NUP160: variants seen among roughly 807,000 people sequenced by gnomAD.
NUP160 encodes the protein nucleoporin 160.
In NUP160, 94 loss-of-function variants were observed where a neutral mutation model predicts 196.9. That is an observed-to-expected ratio of 0.48 (90% CI 0.40 to 0.57). The LOEUF (loss-of-function observed/expected upper bound fraction) is 0.57. Among genes scored for constraint, NUP160 ranks in the 20% least tolerant of loss-of-function variants. The pLI is 0.00. For synonymous variants in NUP160, 605 were observed against 619.7 expected, an observed-to-expected ratio of 0.98 and a Z score of 0.35; for missense variants, 1,638 against 1,748.3, an observed-to-expected ratio of 0.94 and a Z score of 1.13.
At position 47,813,298 on chromosome 11, in the gene NUP160, C is replaced by T. The variant is rs759737794; in HGVS notation, c.1786+18G>A. On this transcript the variant is annotated intron_variant, in intron 14 of 35. Coordinates refer to ENST00000378460, the Ensembl canonical transcript of NUP160. Reference sequence around the variant, plus strand: ...ATATAGGAAGGGGATTAAATATGGACATAACAATTACTATTACCATCAGAT... The same window carrying T: ...ATATAGGAAGGGGATTAAATATGGATATAACAATTACTATTACCATCAGAT... 2.9e-5 allele frequency: 44 copies of T among 1,493,812 alleles called. No individual in the cohort carries two copies. The South Asian group carries it at 5.0e-4, about 17-fold the overall frequency. The allele number at this position is 1,493,812 out of a possible 1,614,324, so 92.5% of individuals were successfully genotyped here.
chr11:47,805,092 C>T (rs922974962), intron 20 of NUP160, among the ~76,000 whole-genome samples: 15 of 152,036 alleles, frequency 9.9e-5, no homozygotes, highest in African/African-American at 3.6e-4. Flanking sequence ...AACATGGTAC[C>T]TGGCATATAG....
chr11:47,826,618 T>C (rs1013388853), intron 7 of NUP160, among the ~76,000 whole-genome samples: 2 of 147,306 alleles, frequency 1.4e-5, no homozygotes, highest in Non-Finnish European at 3.0e-5. Context: ...GCTGGAGTGC[T>C]ATGGCACAAT....
intron 7 of NUP160, 82 bp downstream of exon 7, chr11:47,835,569 G>C: frequency 8.4e-7 from 1 of 1,184,066 alleles, no homozygotes; most frequent in Non-Finnish European, 1.2e-6. Flanking sequence ...AAAAGAGCTT[G>C]AACAGACTCA....
chr11:47,796,260 T>C, intron 27 of NUP160: 1 of 639,222 alleles, frequency 1.6e-6, no homozygotes. Context: ...CACAGTAGGA[T>C]CAATCAGAAA....
intron 23 of NUP160, among the ~76,000 whole-genome samples, chr11:47,800,320 G>A (rs1437264561): frequency 6.6e-6 from 1 of 151,502 alleles, no homozygotes; most frequent in African/African-American, 2.4e-5. Flanking sequence ...TTTTGAGACA[G>A]GGTCTCATTC....
intron 2 of NUP160, among the ~76,000 whole-genome samples, chr11:47,844,004 C>T (rs1852354262): frequency 6.6e-6 from 1 of 152,202 alleles, no homozygotes; most frequent in South Asian, 2.1e-4. Flanking sequence ...ATACGTTTTT[C>T]CATCGCAATT....
chr11:47,848,309 C>T, exon 1 of NUP160: 1 of 1,614,030 alleles, frequency 6.2e-7, no homozygotes, highest in Non-Finnish European at 8.5e-7. Flanking sequence ...AGGGCTCCCG[C>T]CGCCGCCATC....
chr11:47,805,904 T>A (rs564676386), intron 20 of NUP160, among the ~76,000 whole-genome samples: 2 of 151,980 alleles, frequency 1.3e-5, no homozygotes, highest in East Asian at 3.9e-4. Flanking sequence ...CACTGCAACC[T>A]CCACCTCCCA....
chr11:47,784,962 T>C (rs1466148735), exon 33 of NUP160: 1 of 1,604,376 alleles, frequency 6.2e-7, no homozygotes, highest in Middle Eastern at 1.7e-4. Flanking sequence ...AGGCACTCCA[T>C]GAGACAAGAG....
intron 34 of NUP160, among the ~76,000 whole-genome samples, chr11:47,782,315 T>A (rs1448724120): frequency 0.13 from 1,067 of 8,348 alleles, 169 homozygotes; most frequent in African/African-American, 0.41. Context: ...TATATATATA[T>A]ATATATATAT....
rs368728465 is a variant in NUP160 at position 47,801,498 on chromosome 11, C to T, written c.2895+313G>A. 1.6e-4 allele frequency among the ~76,000 whole-genome samples: 25 copies of T among 152,102 alleles called. No individual in the cohort carries two copies. In the South Asian group the frequency reaches 3.1e-3, roughly 19 times the overall value. ...CCAAGTAGGTGGGATTACAGGCACC[C>T]GCCACCACGCCAGGCTAATTTTTGT... On this transcript the variant is annotated intron_variant, in intron 23 of 35. Coordinates refer to ENST00000378460, the Ensembl canonical transcript of NUP160.
intron 7 of NUP160, among the ~76,000 whole-genome samples, chr11:47,825,527 A>T (rs1055404066): frequency 4.1e-5 from 6 of 146,626 alleles, no homozygotes; most frequent in African/African-American, 1.5e-4. Flanking sequence ...ATCTCGGCTC[A>T]CTGCAACCTC....
intron 23 of NUP160, among the ~76,000 whole-genome samples, chr11:47,799,749 T>C (rs897058855): frequency 6.6e-6 from 1 of 151,700 alleles, no homozygotes. Context: ...TCTTCCTATG[T>C]TGTCTGGGCT....
rs576723822 is a variant in NUP160 at position 47,843,155 on chromosome 11, C to A, written c.315-2567G>T. ...TTATATTTTCTCTGTTCCTCCCTTGCTCTCTGGTTACCATGTGATTTCTCT... is the reference window on the plus strand; with the variant it reads ...TTATATTTTCTCTGTTCCTCCCTTGATCTCTGGTTACCATGTGATTTCTCT... On this transcript the variant is annotated intron_variant, in intron 2 of 35. Coordinates refer to ENST00000378460, the Ensembl canonical transcript of NUP160. 3.0e-4 allele frequency among the ~76,000 whole-genome samples: 46 copies of A among 152,222 alleles called. 1 individual carries two copies. In the South Asian group the frequency reaches 9.1e-3, roughly 30 times the overall value.
chr11:47,818,040 A>T lies in NUP160; in HGVS notation c.1431+16T>A, dbSNP rs756369121. 1.9e-6 allele frequency: 3 copies of T among 1,559,222 alleles called. No individual in the cohort carries two copies. Among genetic ancestry groups the T allele is most frequent in the Non-Finnish European group, 2.6e-6 (3 of 1,136,262 alleles). On this transcript the variant is annotated intron_variant, in intron 11 of 35. Coordinates refer to ENST00000378460, the Ensembl canonical transcript of NUP160. Reference sequence around the variant, plus strand: ...AAGAAATAGTCTTAAACAAACAGTAAATTTTTTTTGCTGACCTGTAAAGCC... The same window carrying T: ...AAGAAATAGTCTTAAACAAACAGTATATTTTTTTTGCTGACCTGTAAAGCC...
chr11:47,812,271 AAAG>A, intron 16 of NUP160, 28 bp downstream of exon 16: 11 of 1,613,730 alleles, frequency 6.8e-6, no homozygotes, highest in Non-Finnish European at 9.3e-6. Flanking sequence ...TGTTTTAATC[AAAG>A]AGGCACATTT....
At chr11:47,793,906 AATTTTTAAAGAC>A (rs912487205) in intron 27 of NUP160, among the ~76,000 whole-genome samples, 11 of 152,068 alleles carry the variant, frequency 7.2e-5, no homozygotes, top group Admixed American at 2.0e-4. Context: ...ACACCTGGCT[AATTTTTAAAGAC>A]ATTTTTAAAG....
At chr11:47,819,263 A>G (rs1449819806) in intron 10 of NUP160, 111 bp downstream of exon 10, 2 of 733,366 alleles carry the variant, frequency 2.7e-6, no homozygotes, top group Non-Finnish European at 4.7e-6. Context: ...CAGTGAGCCA[A>G]GATCATGCCA....
At chr11:47,811,909 T>C (rs561531653) in intron 17 of NUP160, among the ~76,000 whole-genome samples, 155 bp downstream of exon 17, 1 of 152,300 alleles carries the variant, frequency 6.6e-6, no homozygotes, top group South Asian at 2.1e-4. Context: ...TTCAAAAATA[T>C]TTATAGAGCA....
Sources: gnomAD v4.1 joint callset for allele counts (sites outside exome capture counted in the v4.1 genomes callset) on GRCh38, gnomAD v4.1.1 for gene constraint, MANE v1.5 for transcripts, NCBI Gene and HGNC (gene_info 2026-07-23, HGNC 2026-07-21) for gene names.